ETV1: variants seen among roughly 807,000 people sequenced by gnomAD.
ETV1 encodes ETS translocation variant 1.
In ETV1, 27 loss-of-function variants were observed where a neutral mutation model predicts 62.3. The ratio of observed to expected loss-of-function variants is 0.43; its 90% CI spans 0.32 to 0.60. The LOEUF (loss-of-function observed/expected upper bound fraction) is 0.60, where lower values mean the gene tolerates loss of function less well. Among genes scored for constraint, ETV1 ranks in the 20% least tolerant of loss-of-function variants. The pLI, the probability that ETV1 is intolerant of heterozygous loss-of-function variation, is 0.06. For synonymous variants in ETV1, 222 were observed against 199.6 expected (o/e 1.11, Z -0.94); for missense variants, 605 against 605.8 (o/e 1.00, Z 0.01).
At chr7:13,964,296 G>T (rs1037421489) in intron 6 of ETV1, among the ~76,000 whole-genome samples, 3 of 152,192 alleles carry the variant, frequency 2.0e-5, no homozygotes, top group Non-Finnish European at 2.9e-5. Flanking sequence ...TTATAGGGAT[G>T]AGCCATTTTT....
In ETV1 at chr7:13,976,415, T is replaced by G. The variant is rs527647253; in HGVS notation, c.235+1012A>C. Among the ~76,000 whole-genome samples, 91 of 152,308 alleles carry G rather than the reference T, an allele frequency of 6.0e-4. 1 individual carries two copies. Among genetic ancestry groups the G allele is most frequent in the African/African-American group, 2.0e-3 (83 of 41,548 alleles). On this transcript the variant is annotated intron_variant, in intron 6 of 13. Coordinates refer to ENST00000430479, the MANE Select transcript of ETV1 (RefSeq NM_004956.5). ...GTAATTTCTTTATAACCAAGCTGAG[T>G]TGAAACATGTAACATGTTAGAGAAT...
chr7:13,893,103 T>C lies in ETV1; in HGVS notation c.*2763A>G, dbSNP rs1781489802. ...AGAAAAATTATTTTTACTTAGTTAT[T>C]TGAGTATAAGTGTTTGTTGCAATTA... On this transcript the variant is annotated 3_prime_UTR_variant, in exon 14 of 14. Transcript: ENST00000430479. The C allele has an allele frequency of 4.3e-6, 1 of 232,620 alleles. No homozygotes were observed. Among genetic ancestry groups the C allele is most frequent in the Non-Finnish European group, 8.5e-6 (1 of 117,772 alleles). The allele number at this position is 232,620 out of a possible 1,614,324, so 14.4% of individuals were successfully genotyped here. A position where few individuals can be genotyped will look rare whatever the true frequency, so the allele number is the denominator to read the frequency against.
At chr7:13,914,839 A>C (rs867719634) in intron 9 of ETV1, among the ~76,000 whole-genome samples, 3 of 152,304 alleles carry the variant, frequency 2.0e-5, no homozygotes, top group African/African-American at 7.2e-5. Flanking sequence ...GAGTTTGCTT[A>C]AAATTTCAAG....
At position 13,915,744 on chromosome 7, in the gene ETV1, G is replaced by C. The variant is rs141140991; in HGVS notation, c.803-4437C>G. Among the ~76,000 whole-genome samples the C allele has an allele frequency of 5.2e-3, 785 of 151,630 alleles. 9 individuals carry two copies. The highest frequency in any genetic ancestry group is 0.018 in the African/African-American group (730 of 41,336). ...TTTCATAAAGTTTCCTAGAATGAAT[G>C]ATAATGGAAATAATTTTTTTTTTTT... On this transcript the variant is annotated intron_variant, in intron 9 of 13. Transcript: ENST00000430479.
chr7:13,931,564 C>T lies in ETV1; in HGVS notation c.740G>A (p.Ser247Asn), dbSNP rs1159668213. The change falls in exon 9 of 14, where the codon AGC becomes AAC. Residue 247 changes from serine (S) to asparagine (N), a missense_variant. Physicochemically the swap from Ser to Asn is conservative, Grantham distance 46. Coordinates refer to ENST00000430479, the MANE Select transcript of ETV1 (RefSeq NM_004956.5). Reference sequence around the variant, plus strand: ...CATCAGAGGAGGGGGAAAGCTTTGGCTGGCCGCACTGCCAACCATGGTGTT... The same window carrying T: ...CATCAGAGGAGGGGGAAAGCTTTGGTTGGCCGCACTGCCAACCATGGTGTT... ...EHNTMVGSAASQSFPPPLMIK... is the reference protein window; with the variant it reads ...EHNTMVGSAANQSFPPPLMIK... 1.9e-6 allele frequency: 3 copies of T among 1,613,916 alleles called. No homozygotes were observed.
chr7:13,936,508 G>C (rs1003513442), intron 7 of ETV1, among the ~76,000 whole-genome samples: 63 of 152,210 alleles, frequency 4.1e-4, no homozygotes, highest in African/African-American at 1.5e-3. Context: ...AACTTTCTTA[G>C]AGAATAAGTA....
intron 8 of ETV1, among the ~76,000 whole-genome samples, chr7:13,932,044 C>CACACACA (rs1562638299): frequency 5.4e-5 from 8 of 147,954 alleles, no homozygotes; most frequent in African/African-American, 2.0e-4. Flanking sequence ...TTTTACACAC[C>CACACACA]CACACACACA....
intron 13 of ETV1, among the ~76,000 whole-genome samples, chr7:13,896,652 A>C (rs979204719): frequency 6.9e-6 from 1 of 144,194 alleles, no homozygotes; most frequent in Non-Finnish European, 1.5e-5. Context: ...GTGTGTGTTG[A>C]AAGAAGAAAG....
Position 13,892,976 on chromosome 7 carries a change from C to T in ETV1, c.*2890G>A, listed in dbSNP as rs28557435. 154,954 of 232,292 alleles carry T rather than the reference C, an allele frequency of 0.67. 52,611 individuals carry two copies. Among genetic ancestry groups the T allele is most frequent in the South Asian group, 0.78 (4,306 of 5,512 alleles). 14.4% of individuals were successfully genotyped at this position (232,292 alleles called of 1,614,324 possible). A position where few individuals can be genotyped will look rare whatever the true frequency, so the allele number is the denominator to read the frequency against. On this transcript the variant is annotated 3_prime_UTR_variant, in exon 14 of 14. Transcript: ENST00000430479. ...TTGTGGTAATTGGTTACAGCATCTA[C>T]GGGAAACTAGACCTCCAAGATCCGC...
chr7:13,936,429 CT>C (rs1786811590), intron 7 of ETV1, among the ~76,000 whole-genome samples: 1 of 152,046 alleles, frequency 6.6e-6, no homozygotes, highest in African/African-American at 2.4e-5. Flanking sequence ...ATAAATGATG[CT>C]TGGCATTAAC....
chr7:13,894,639 C>T lies in ETV1; in HGVS notation c.*1227G>A, dbSNP rs1024511433. The T allele has an allele frequency of 3.9e-4, 91 of 232,330 alleles. No homozygotes were observed. The highest frequency in any genetic ancestry group is 3.9e-4 in the Admixed American group (7 of 17,764). 14.4% of individuals were successfully genotyped at this position (232,330 alleles called of 1,614,324 possible). A position where few individuals can be genotyped will look rare whatever the true frequency, so the allele number is the denominator to read the frequency against. On this transcript the variant is annotated 3_prime_UTR_variant, in exon 14 of 14. Transcript: ENST00000430479. ...AGCATGGCGTAAGCTATTTTTTAAG[C>T]AATAAATGGTTTGAGTCATCTATTT... is the stretch of plus-strand genomic sequence containing the variant.
Position 13,976,264 on chromosome 7 carries a change from C to T in ETV1, c.235+1163G>A, listed in dbSNP as rs563082281. Among the ~76,000 whole-genome samples, 4 of 152,174 alleles carry T rather than the reference C, an allele frequency of 2.6e-5. No homozygotes were observed. The South Asian group carries it at 8.3e-4, about 32-fold the overall frequency. ...AGGTACAGAACTTCAGCTTGGGATA[C>T]AAAAAAGTTCTGAAGTTGAATAGTG... On this transcript the variant is annotated intron_variant, in intron 6 of 13. Coordinates refer to ENST00000430479, the MANE Select transcript of ETV1 (RefSeq NM_004956.5).
chr7:13,911,349 G>A (rs779531476), intron 9 of ETV1, 42 bp from the exon 10 acceptor site: 2 of 1,406,796 alleles, frequency 1.4e-6, no homozygotes, highest in South Asian at 2.4e-5. Flanking sequence ...GTCTGGAGCT[G>A]AAACGCTGCG....
At chr7:13,973,012 A>T (rs2128495372) in intron 6 of ETV1, among the ~76,000 whole-genome samples, 1 of 152,332 alleles carries the variant, frequency 6.6e-6, no homozygotes, top group Middle Eastern at 3.4e-3. Flanking sequence ...ATTTCCAATT[A>T]AAATATTTTG....
intron 13 of ETV1, among the ~76,000 whole-genome samples, chr7:13,896,747 A>T (rs1283740408): frequency 7.4e-6 from 1 of 134,666 alleles, no homozygotes; most frequent in Non-Finnish European, 1.6e-5. Flanking sequence ...AAGAAAGGAA[A>T]GAAAGAAAGA....
chr7:13,952,663 GGGGACCTCCCACATTTCAGTGGGACA>G (rs1435008390), intron 6 of ETV1, among the ~76,000 whole-genome samples: 18 of 152,188 alleles, frequency 1.2e-4, no homozygotes, highest in South Asian at 1.0e-3. Context: ...CTTTTCAGTA[GGGGACCTCCCACATTTCAGTGGGACA>G]GGGACCTCCC....
chr7:13,935,670 A>C lies in ETV1; in HGVS notation c.554+38T>G, dbSNP rs1254243821. The C allele has an allele frequency of 3.2e-6, 5 of 1,582,734 alleles. No individual in the cohort carries two copies. In the African/African-American group the frequency reaches 4.0e-5, roughly 13 times the overall value. On this transcript the variant is annotated intron_variant, in intron 8 of 13. Transcript: ENST00000430479. ...TAATAGAAATTTTTTCCAAGAACGC[A>C]AAAAACAGTTTCTAGAAAACTGGTA...
intron 11 of ETV1, among the ~76,000 whole-genome samples, chr7:13,909,417 CA>C (rs1395448707): frequency 6.6e-6 from 1 of 152,122 alleles, no homozygotes; most frequent in African/African-American, 2.4e-5. Context: ...TCTATTTCTC[CA>C]AAAATGAACT....
intron 6 of ETV1, among the ~76,000 whole-genome samples, chr7:13,972,547 A>C (rs751304638): frequency 2.1e-4 from 32 of 152,192 alleles, no homozygotes; most frequent in Non-Finnish European, 4.3e-4. Flanking sequence ...CATAAGGTTC[A>C]CCTCTGTTTG....
Sources: allele counts gnomAD v4.1 joint callset (sites outside exome capture counted in the v4.1 genomes callset), GRCh38; gene constraint gnomAD v4.1.1; transcripts MANE v1.5; gene names NCBI Gene and HGNC (gene_info 2026-07-23, HGNC 2026-07-21).